STK3: variants seen among roughly 807,000 people sequenced by gnomAD.
STK3 encodes the protein serine/threonine-protein kinase 3.
STK3 carries 41 observed loss-of-function variants against 58.0 expected under a neutral mutation model. The observed-to-expected ratio is 0.71, with a 90% CI of 0.55 to 0.92. The LOEUF (loss-of-function observed/expected upper bound fraction) is 0.92, where lower values mean the gene tolerates loss of function less well. Ranked by LOEUF, STK3 falls within the 40% of genes least tolerant of loss-of-function variation. The pLI, the probability that STK3 is intolerant of heterozygous loss-of-function variation, is 0.00. For missense variants in STK3, 479 were observed against 602.7 expected (o/e 0.79, Z 2.15); for synonymous variants, 170 against 191.0 (o/e 0.89, Z 0.91).
chr8:98,391,078 G>GT (rs1474266343), upstream of STK3, among the ~76,000 whole-genome samples: 3 of 152,110 alleles, frequency 2.0e-5, no homozygotes, highest in African/African-American at 4.8e-5. Context: ...AGATTTGTCT[G>GT]TTTTTTTATG....
chr8:98,620,575 T>C (rs774511999), intron 6 of STK3, among the ~76,000 whole-genome samples: 68 of 136,364 alleles, frequency 5.0e-4, no homozygotes, highest in Non-Finnish European at 9.8e-4. Flanking sequence ...CGAATAAAAA[T>C]GAAAATACAA....
At chr8:98,654,345 G>C (rs1161570953) in intron 6 of STK3, among the ~76,000 whole-genome samples, 1 of 152,094 alleles carries the variant, frequency 6.6e-6, no homozygotes, top group Non-Finnish European at 1.5e-5. Flanking sequence ...AAAATAATAA[G>C]AGCTATCTAT....
chr8:98,807,106 A>G (rs528449896), intron 1 of STK3, among the ~76,000 whole-genome samples: 2 of 146,814 alleles, frequency 1.4e-5, no homozygotes, highest in Non-Finnish European at 3.0e-5. Flanking sequence ...GTGAGCCAAG[A>G]TCGTGCCACT....
chr8:98,854,797 T>C (rs1369233850), intron 3 of STK3, among the ~76,000 whole-genome samples: 2 of 152,310 alleles, frequency 1.3e-5, no homozygotes, highest in Non-Finnish European at 2.9e-5. Flanking sequence ...GGCTCACACC[T>C]GTAATCCTAG....
At chr8:98,429,052 T>G in intron 3 of STK3, 1 of 1,613,240 alleles carries the variant, frequency 6.2e-7, no homozygotes, top group Non-Finnish European at 8.5e-7. Flanking sequence ...AACGAGGGCC[T>G]GGCCACCATC....
intron 10 of STK3, among the ~76,000 whole-genome samples, chr8:98,506,140 C>A (rs1824050647): frequency 6.6e-6 from 1 of 152,234 alleles, no homozygotes; most frequent in Admixed American, 6.5e-5. Flanking sequence ...TGCTGCCTTG[C>A]AGGTTGATCT....
At chr8:98,854,176 T>C (rs1836582429) in intron 3 of STK3, among the ~76,000 whole-genome samples, 1 of 152,202 alleles carries the variant, frequency 6.6e-6, no homozygotes, top group Non-Finnish European at 1.5e-5. Flanking sequence ...GCTTGTTCTG[T>C]CACCCAGGCT....
the STK3 span, among the ~76,000 whole-genome samples, chr8:98,349,310 A>G: frequency 6.6e-6 from 1 of 152,246 alleles, no homozygotes; most frequent in East Asian, 1.9e-4. Context: ...CTTTGACTCC[A>G]TGTCTTATAT....
intron 6 of STK3, among the ~76,000 whole-genome samples, chr8:98,616,918 A>G (rs1286150642): frequency 6.6e-6 from 1 of 152,096 alleles, no homozygotes; most frequent in Non-Finnish European, 1.5e-5. Context: ...CAGAAAGTCA[A>G]CAAGGATACC....
chr8:98,350,883 A>G, the STK3 span, among the ~76,000 whole-genome samples: 1 of 152,220 alleles, frequency 6.6e-6, no homozygotes, highest in South Asian at 2.1e-4. Context: ...TACACAGCAC[A>G]ACTGTATCAA....
At chr8:98,915,056 A>C (rs547477799) in intron 1 of STK3, among the ~76,000 whole-genome samples, 77 of 152,260 alleles carry the variant, frequency 5.1e-4, no homozygotes, top group African/African-American at 1.8e-3. Flanking sequence ...CTCAAAGGAA[A>C]GGGTGGTTGT....
chr8:98,935,074 C>T (rs537310369), intron 1 of STK3, among the ~76,000 whole-genome samples: 1 of 151,968 alleles, frequency 6.6e-6, no homozygotes, highest in African/African-American at 2.4e-5. Flanking sequence ...GGGCACATGG[C>T]TACCCAGAGT....
At chr8:98,631,494 G>T (rs957837863) in intron 6 of STK3, among the ~76,000 whole-genome samples, 3 of 152,104 alleles carry the variant, frequency 2.0e-5, no homozygotes, top group Admixed American at 6.6e-5. Flanking sequence ...AATCTGCATT[G>T]CTCATTTACT....
At chr8:98,678,907 A>T (rs1266191789) in intron 6 of STK3, among the ~76,000 whole-genome samples, 1 of 152,176 alleles carries the variant, frequency 6.6e-6, no homozygotes, top group Non-Finnish European at 1.5e-5. Flanking sequence ...TAAACTCTAT[A>T]TTTCATTCCA....
At chr8:98,840,628 T>TATATATATACAC (rs1477381215) in intron 3 of STK3, among the ~76,000 whole-genome samples, 2 of 114,476 alleles carry the variant, frequency 1.7e-5, no homozygotes, top group Non-Finnish European at 3.6e-5. Context: ...TATATATATA[T>TATATATATACAC]ACACACACAT....
At chr8:98,426,482 C>A (rs1818234349) in intron 3 of STK3, among the ~76,000 whole-genome samples, 1 of 152,184 alleles carries the variant, frequency 6.6e-6, no homozygotes, top group Non-Finnish European at 1.5e-5. Context: ...AACTCAGCGA[C>A]TCCCGCCCCC....
chr8:98,577,094 G>A (rs1813470857), intron 8 of STK3, among the ~76,000 whole-genome samples: 1 of 152,182 alleles, frequency 6.6e-6, no homozygotes, highest in African/African-American at 2.4e-5. Flanking sequence ...AGATTCCAGA[G>A]TTATGCAAAA....
At chr8:98,884,358 A>T (rs1837904365) in intron 1 of STK3, among the ~76,000 whole-genome samples, 1 of 152,136 alleles carries the variant, frequency 6.6e-6, no homozygotes, top group African/African-American at 2.4e-5. Flanking sequence ...TAATTTTTTT[A>T]AATAAAAAAT....
At chr8:98,665,289 T>C (rs2130808830) in intron 6 of STK3, among the ~76,000 whole-genome samples, 1 of 152,348 alleles carries the variant, frequency 6.6e-6, no homozygotes, top group South Asian at 2.1e-4. Flanking sequence ...GTTCTTTCTA[T>C]TTCACCACAC....
Sources: allele counts gnomAD v4.1 joint callset (sites outside exome capture counted in the v4.1 genomes callset), GRCh38; gene constraint gnomAD v4.1.1; transcripts MANE v1.5; gene names NCBI Gene and HGNC (gene_info 2026-07-23, HGNC 2026-07-21).